The following SEMA6D variants were observed in gnomAD, a reference collection of about 807,000 sequenced individuals.
The protein encoded by SEMA6D is semaphorin 6D.
SEMA6D carries 35 observed loss-of-function variants against 106.6 expected under a neutral mutation model. The ratio of observed to expected loss-of-function variants is 0.33; its 90% confidence interval spans 0.25 to 0.44. The LOEUF (loss-of-function observed/expected upper bound fraction) is 0.44, where lower values mean the gene tolerates loss of function less well. Ranked by LOEUF, SEMA6D falls within the 20% of genes least tolerant of loss-of-function variation. The pLI is 1.00. For missense variants in SEMA6D, 1,185 were observed against 1,345.9 expected, an observed-to-expected ratio of 0.88 and a Z score of 1.87; for synonymous variants, 499 against 487.7, an observed-to-expected ratio of 1.02 and a Z score of -0.31.
At chr15:47,540,989 G>A (rs960916329) in intron 3 of SEMA6D, among the ~76,000 whole-genome samples, 1 of 152,114 alleles carries the variant, frequency 6.6e-6, no homozygotes, top group Admixed American at 6.6e-5. Context: ...GACTGAACCA[G>A]ACTTAAGAAT....
chr15:47,251,061 C>T (rs1309486663), intron 1 of SEMA6D, among the ~76,000 whole-genome samples: 2 of 152,114 alleles, frequency 1.3e-5, no homozygotes, highest in South Asian at 2.1e-4. Flanking sequence ...GAGAGCAGCT[C>T]CCAGAGGTAG....
chr15:47,669,719 C>T (rs1336385641), intron 4 of SEMA6D, among the ~76,000 whole-genome samples: 2 of 152,220 alleles, frequency 1.3e-5, no homozygotes, highest in Admixed American at 6.5e-5. Flanking sequence ...TCCTTCTCAA[C>T]ACTTTCAGGG....
chr15:47,578,361 G>A (rs753033416), intron 3 of SEMA6D, among the ~76,000 whole-genome samples: 33 of 152,204 alleles, frequency 2.2e-4, no homozygotes, highest in Non-Finnish European at 4.3e-4. Flanking sequence ...CCTATTTAGT[G>A]TCTGGTCTTT....
intron 4 of SEMA6D, among the ~76,000 whole-genome samples, chr15:47,689,583 G>A (rs902929556): frequency 4.6e-5 from 7 of 152,204 alleles, no homozygotes; most frequent in Middle Eastern, 3.2e-3. Context: ...TGGACACTGG[G>A]TAAAATGAGG....
chr15:47,691,035 G>A (rs9673061), intron 4 of SEMA6D, among the ~76,000 whole-genome samples: 38,546 of 151,942 alleles, frequency 0.25, 5,068 homozygotes, highest in South Asian at 0.3. Flanking sequence ...GTGTTGTCTC[G>A]TGATTAAAAT....
intron 1 of SEMA6D, among the ~76,000 whole-genome samples, chr15:47,362,879 A>G (rs1416414180): frequency 6.6e-6 from 1 of 152,168 alleles, no homozygotes; most frequent in Non-Finnish European, 1.5e-5. Context: ...CAACAGTGTC[A>G]TGCTGCTCAT....
intron 1 of SEMA6D, among the ~76,000 whole-genome samples, chr15:47,406,891 G>A (rs2040589648): frequency 6.6e-6 from 1 of 151,722 alleles, no homozygotes; most frequent in Non-Finnish European, 1.5e-5. Flanking sequence ...ACATCACATC[G>A]TGTACCCTAG....
intron 3 of SEMA6D, among the ~76,000 whole-genome samples, chr15:47,567,158 T>G (rs1202644471): frequency 6.6e-6 from 1 of 152,226 alleles, no homozygotes; most frequent in African/African-American, 2.4e-5. Context: ...AGAGTTTTTG[T>G]GTAAACTTCT....
chr15:47,764,586 A>G lies in SEMA6D; in HGVS notation c.1098-52A>G, dbSNP rs956948361. On this transcript the variant is annotated intron_variant, in intron 11 of 18. Transcript: ENST00000536845. ...TACACTTATTCCTTAGATACAGTAC[A>G]TGGTGTGGCAGGGGCAGCCGAGAGC... 9 of 1,603,446 alleles carry G rather than the reference A, an allele frequency of 5.6e-6. No individual in the cohort carries two copies. In the East Asian group the frequency reaches 8.9e-5, roughly 16 times the overall value.
intron 1 of SEMA6D, chr15:47,185,651 C>G (rs139035642): frequency 6.6e-6 from 1 of 152,250 alleles, no homozygotes; most frequent in African/African-American, 2.4e-5. Context: ...CCATTGCTCC[C>G]CCACCCTGGC....
At chr15:47,372,678 C>T (rs1462292081) in intron 1 of SEMA6D, among the ~76,000 whole-genome samples, 1 of 152,066 alleles carries the variant, frequency 6.6e-6, no homozygotes, top group African/African-American at 2.4e-5. Context: ...TTAATAAAAC[C>T]ACAATGTTGT....
At chr15:47,648,355 G>C (rs1405078304) in intron 4 of SEMA6D, among the ~76,000 whole-genome samples, 1 of 152,112 alleles carries the variant, frequency 6.6e-6, no homozygotes, top group East Asian at 1.9e-4. Context: ...AGTGAGCATG[G>C]GTGTGTGCGA....
intron 2 of SEMA6D, among the ~76,000 whole-genome samples, chr15:47,449,559 T>C (rs1259861721): frequency 6.6e-6 from 1 of 152,100 alleles, no homozygotes; most frequent in Non-Finnish European, 1.5e-5. Flanking sequence ...TCTCCATTTA[T>C]GGGGCTGACA....
chr15:47,385,498 C>T (rs2039802263), intron 1 of SEMA6D, among the ~76,000 whole-genome samples: 1 of 152,020 alleles, frequency 6.6e-6, no homozygotes, highest in Non-Finnish European at 1.5e-5. Flanking sequence ...ACCACCTGGC[C>T]TCTGCTTTCC....
At chr15:47,636,957 A>ACAC (rs1441415508) in intron 4 of SEMA6D, among the ~76,000 whole-genome samples, 1 of 152,148 alleles carries the variant, frequency 6.6e-6, no homozygotes, top group African/African-American at 2.4e-5. Flanking sequence ...GTAGGTTAGT[A>ACAC]ATTTGATACC....
intron 1 of SEMA6D, among the ~76,000 whole-genome samples, chr15:47,203,819 G>A (rs188019724): frequency 3.9e-5 from 6 of 152,226 alleles, no homozygotes; most frequent in Non-Finnish European, 8.8e-5. Context: ...TTGTTTTGTG[G>A]ACATGAAAAT....
intron 4 of SEMA6D, among the ~76,000 whole-genome samples, chr15:47,639,268 A>G (rs1304703408): frequency 2.6e-5 from 4 of 152,222 alleles, no homozygotes; most frequent in African/African-American, 9.6e-5. Flanking sequence ...GGATATGCCA[A>G]AGGAGCACAG....
intron 1 of SEMA6D, among the ~76,000 whole-genome samples, chr15:47,721,959 G>A (rs1000271178): frequency 1.3e-5 from 2 of 152,094 alleles, no homozygotes; most frequent in Non-Finnish European, 2.9e-5. Flanking sequence ...GCTGTGAACA[G>A]CACAGCTGGC....
intron 4 of SEMA6D, among the ~76,000 whole-genome samples, chr15:47,686,618 C>G (rs1158384172): frequency 6.6e-6 from 1 of 152,194 alleles, no homozygotes; most frequent in Admixed American, 6.5e-5. Flanking sequence ...TCATTTTCTC[C>G]TTCTTCCTGG....
Sources: gnomAD v4.1 joint callset for allele counts (sites outside exome capture counted in the v4.1 genomes callset) on GRCh38, gnomAD v4.1.1 for gene constraint, MANE v1.5 for transcripts, NCBI Gene and HGNC (gene_info 2026-07-23, HGNC 2026-07-21) for gene names.